The following CWF19L1 variants were observed in gnomAD, a reference collection of about 807,000 sequenced individuals.
The protein encoded by CWF19L1 is CWF19-like protein 1.
A neutral mutation model predicts 69.7 loss-of-function variants in CWF19L1; 60 were observed. The ratio of observed to expected loss-of-function variants is 0.86; its 90% CI spans 0.70 to 1.07. The LOEUF is 1.07. Among genes scored for constraint, CWF19L1 ranks in the 50% least tolerant of loss-of-function variants. The pLI is 0.00. For missense variants in CWF19L1, 591 were observed against 638.9 expected, an observed-to-expected ratio of 0.92 and a Z score of 0.81; for synonymous variants, 209 against 222.2, an observed-to-expected ratio of 0.94 and a Z score of 0.53.
chr10:100,234,920 G>A (rs1343193892), intron 13 of CWF19L1, among the ~76,000 whole-genome samples: 1 of 152,180 alleles, frequency 6.6e-6, no homozygotes, highest in African/African-American at 2.4e-5. Context: ...CAAGTTTTGA[G>A]GTCCAACAGG....
intron 1 of CWF19L1, 67 bp downstream of exon 1, chr10:100,267,504 G>A (rs1307382147): frequency 9.3e-6 from 15 of 1,613,110 alleles, no homozygotes; most frequent in Middle Eastern, 1.7e-4. Flanking sequence ...AAAGACTCCC[G>A]CCCGTGTCGT....
Position 100,250,325 on chromosome 10 carries a change from T to C in CWF19L1, c.631A>G (p.Ile211Val). 6.2e-7 allele frequency: 1 copy of C among 1,603,580 alleles called. No individual in the cohort carries two copies. Among genetic ancestry groups the C allele is most frequent in the Non-Finnish European group, 8.5e-7 (1 of 1,170,760 alleles). ...YYERLPYRNH[I>V]ILQENAQHAT... is the part of the protein sequence containing the mutation. The stretch of plus-strand genomic sequence containing the variant: ...TGCTGTGCATTTTCCTGTAGAATGA[T>C]ATGGTTTCTACAACATATTTGAGAG... The change falls in exon 7 of 14, where the codon ATC becomes GTC. Residue 211 changes from isoleucine (I) to valine (V), a missense_variant. This residue lies in a region of CWF19L1 where 458 missense variants were observed against 489.3 expected (regional missense o/e 0.94). Coordinates refer to ENST00000354105, the MANE Select transcript of CWF19L1 (RefSeq NM_018294.6).
intron 1 of CWF19L1, among the ~76,000 whole-genome samples, chr10:100,264,554 A>AT (rs1164212861): frequency 6.6e-6 from 1 of 151,438 alleles, no homozygotes; most frequent in Non-Finnish European, 1.5e-5. Context: ...CAAAAAAAAA[A>AT]AAATATATTC....
At chr10:100,267,174 C>G (rs1847626926) in intron 1 of CWF19L1, among the ~76,000 whole-genome samples, 1 of 145,834 alleles carries the variant, frequency 6.9e-6, no homozygotes, top group African/African-American at 2.6e-5. Context: ...AAAAAATGCC[C>G]CAGGGAAGGG....
In CWF19L1 at chr10:100,256,501, A is replaced by C. The variant is rs375638202; in HGVS notation, c.290-25T>G. On this transcript the variant is annotated intron_variant, in intron 4 of 13. Transcript: ENST00000354105. ...CCTGGGTTCAAAGAAAAATGAACAAATTTTAGTCAGAATTGCAGAATGAAA... is the reference window on the plus strand; with the variant it reads ...CCTGGGTTCAAAGAAAAATGAACAACTTTTAGTCAGAATTGCAGAATGAAA... 5.0e-6 allele frequency: 8 copies of C among 1,599,850 alleles called. No homozygotes were observed. In the African/African-American group the frequency reaches 1.1e-4, roughly 21 times the overall value.
intron 10 of CWF19L1, 124 bp downstream of exon 10, chr10:100,243,574 T>C: frequency 1.2e-6 from 1 of 856,196 alleles, no homozygotes; most frequent in Non-Finnish European, 1.9e-6. Context: ...TCAGTAACCT[T>C]ACGAAAATCA....
At position 100,236,910 on chromosome 10, in the gene CWF19L1, G is replaced by T. The variant is rs750054469; in HGVS notation, c.1314C>A (p.Thr438=). 1 of 1,612,070 alleles carries T rather than the reference G, an allele frequency of 6.2e-7. No individual in the cohort carries two copies. The highest frequency in any genetic ancestry group is 1.7e-5 in the Admixed American group (1 of 59,634). ...TTDDIKDAFI[T]QAQEQQIELL... is the part of the protein sequence containing the mutation. Reference sequence around the variant, plus strand: ...GCTCTATCTGCTGCTCCTGTGCCTGGGTAATGAAGGCATCTTTAATGTCAT... The same window carrying T: ...GCTCTATCTGCTGCTCCTGTGCCTGTGTAATGAAGGCATCTTTAATGTCAT... Residue 438 remains threonine, a synonymous_variant, in exon 12 of 14, where the codon ACC becomes ACA. Coordinates refer to ENST00000354105, the MANE Select transcript of CWF19L1 (RefSeq NM_018294.6).
In CWF19L1 at chr10:100,248,985, T is replaced by C. The variant is rs1846928914; in HGVS notation, c.708+1263A>G. On this transcript the variant is annotated intron_variant, in intron 7 of 13. Coordinates refer to ENST00000354105, the MANE Select transcript of CWF19L1 (RefSeq NM_018294.6). ...TGATAGAGCTGCGCAAGCTGGAAGC[T>C]GTGGAGGACATCACATTCCAGCTCT... 3.4e-5 allele frequency: 23 copies of C among 681,272 alleles called. No homozygotes were observed. In the East Asian group the frequency reaches 6.5e-4, roughly 19 times the overall value. 42.2% of individuals were successfully genotyped at this position (681,272 alleles called of 1,614,324 possible).
chr10:100,235,537 G>C, intron 13 of CWF19L1, 130 bp downstream of exon 13: 1 of 621,372 alleles, frequency 1.6e-6, no homozygotes, highest in African/African-American at 1.8e-5. Context: ...GTAAACATCT[G>C]CCCTAAGACC....
rs902891967 is a variant in CWF19L1 at position 100,262,156 on chromosome 10, A to G, written c.24-93T>C. Reference sequence around the variant, plus strand: ...CTGGTCTTTTGGATTAGATAGATACATGATCTAGTCTCTCTGCAGTTACCT... The same window carrying G: ...CTGGTCTTTTGGATTAGATAGATACGTGATCTAGTCTCTCTGCAGTTACCT... On this transcript the variant is annotated intron_variant, in intron 1 of 13. Coordinates refer to ENST00000354105, the MANE Select transcript of CWF19L1 (RefSeq NM_018294.6). 4.7e-6 allele frequency: 7 copies of G among 1,491,992 alleles called. No individual in the cohort carries two copies. The African/African-American group carries it at 7.2e-5, about 15-fold the overall frequency. The allele number at this position is 1,491,992 out of a possible 1,614,324, so 92.4% of individuals were successfully genotyped here. A position where few individuals can be genotyped will look rare whatever the true frequency, so the allele number is the denominator to read the frequency against.
rs1222849261 is a variant in CWF19L1 at position 100,245,830 on chromosome 10, A to T, written c.933T>A (p.Ser311=). ...TGCGAGGCTGCTTTGGATGAGGAGAAGATTTGCTATCTCTACCTGTGGATG... is the reference window on the plus strand; with the variant it reads ...TGCGAGGCTGCTTTGGATGAGGAGATGATTTGCTATCTCTACCTGTGGATG... The part of the protein sequence containing the change: ...KRSSTGRDSK[S]SPHPKQPRKP... The change falls in exon 9 of 14, where the codon TCT becomes TCA. Residue 311 remains serine (S), a synonymous_variant. Coordinates refer to ENST00000354105, the MANE Select transcript of CWF19L1 (RefSeq NM_018294.6). 3.1e-6 allele frequency: 5 copies of T among 1,614,170 alleles called. No homozygotes were observed. The South Asian group carries it at 5.5e-5, about 18-fold the overall frequency.
At chr10:100,251,517 T>C (rs1847031340) in intron 6 of CWF19L1, among the ~76,000 whole-genome samples, 1 of 141,648 alleles carries the variant, frequency 7.1e-6, no homozygotes, top group Middle Eastern at 3.4e-3. Context: ...TTTTTTTTTT[T>C]TTTTTTTTTT....
At chr10:100,243,824 G>C in intron 9 of CWF19L1, 47 bp from the exon 10 acceptor site, 1 of 1,433,624 alleles carries the variant, frequency 7.0e-7, no homozygotes, top group Non-Finnish European at 9.8e-7. Flanking sequence ...AAGCACTACA[G>C]CATATAATCA....
rs138382309 is a variant in CWF19L1, at chr10:100,243,783, T to C, written c.965-6A>G. 3.0e-4 allele frequency: 487 copies of C among 1,613,622 alleles called. 2 individuals carry two copies. The African/African-American group carries it at 5.6e-3, about 19-fold the overall frequency. The stretch of plus-strand genomic sequence containing the variant: ...GCAGGGTCCTGGAGGCTGAGCTTCA[T>C]GTAAAAGAAAGCCAGGTGTTACTAT... On this transcript the variant is annotated splice_polypyrimidine_tract_variant and splice_region_variant and intron_variant, in intron 9 of 13. Coordinates refer to ENST00000354105, the MANE Select transcript of CWF19L1 (RefSeq NM_018294.6).
intron 2 of CWF19L1, 32 bp from the exon 3 acceptor site, chr10:100,261,076 A>T: frequency 7.1e-7 from 1 of 1,403,676 alleles, no homozygotes. Flanking sequence ...GATATATGAG[A>T]TTTTAAAATA....
chr10:100,251,058 T>C (rs954848370), intron 6 of CWF19L1, among the ~76,000 whole-genome samples: 1 of 152,218 alleles, frequency 6.6e-6, no homozygotes, highest in Non-Finnish European at 1.5e-5. Flanking sequence ...CAGTACTTCA[T>C]TGCTTTTCCT....
At chr10:100,267,432 C>CCCCGGCCAGGCAAAG in intron 1 of CWF19L1, 139 bp downstream of exon 1, 1 of 1,563,798 alleles carries the variant, frequency 6.4e-7, no homozygotes, top group Admixed American at 1.9e-5. Flanking sequence ...GCAAAGACAT[C>CCCCGGCCAGGCAAAG]ACCTAAGCTC....
At chr10:100,259,931 C>T (rs1389822346) in intron 4 of CWF19L1, among the ~76,000 whole-genome samples, 1 of 152,106 alleles carries the variant, frequency 6.6e-6, no homozygotes, top group Non-Finnish European at 1.5e-5. Flanking sequence ...CTCTGGGAGG[C>T]CGAGGTGGGC....
intron 1 of CWF19L1, among the ~76,000 whole-genome samples, chr10:100,265,029 G>A (rs1847525030): frequency 6.6e-6 from 1 of 151,750 alleles, no homozygotes. Flanking sequence ...GCTGAAGTGG[G>A]AGAATCACTT....
Sources: allele counts gnomAD v4.1 joint callset (sites outside exome capture counted in the v4.1 genomes callset), GRCh38; gene constraint gnomAD v4.1.1; regional missense constraint gnomAD v4.1.1; transcripts MANE v1.5; gene names NCBI Gene and HGNC (gene_info 2026-07-23, HGNC 2026-07-21).